Variants in PEAK1 observed in about 807,000 individuals in gnomAD.
PEAK1 encodes pseudopodium enriched atypical kinase 1.
In PEAK1, 54 loss-of-function variants were observed where a neutral mutation model predicts 124.7. The ratio of observed to expected loss-of-function variants is 0.43; its 90% confidence interval spans 0.35 to 0.54. The LOEUF (loss-of-function observed/expected upper bound fraction) is 0.54. PEAK1 is among the 20% of genes least tolerant of loss of function. The pLI, the probability that PEAK1 is intolerant of heterozygous loss-of-function variation, is 0.01. For synonymous variants in PEAK1, 719 were observed against 760.0 expected (o/e 0.95, Z 0.89); for missense variants, 2,046 against 2,134.5 (o/e 0.96, Z 0.82).
chr15:77,302,993 A>T (rs2063871646), intron 2 of PEAK1, among the ~76,000 whole-genome samples: 2 of 152,098 alleles, frequency 1.3e-5, no homozygotes, highest in Non-Finnish European at 2.9e-5. Context: ...TTTTGCCTTT[A>T]CCAGAATGTC....
intron 5 of PEAK1, among the ~76,000 whole-genome samples, chr15:77,257,689 CTG>C (rs1472578844): frequency 6.6e-6 from 1 of 151,766 alleles, no homozygotes; most frequent in African/African-American, 2.4e-5. Flanking sequence ...CCTGTTCACT[CTG>C]ATGGTAGTTT....
chr15:77,349,931 G>T (rs2141426895), intron 2 of PEAK1: 1 of 984,646 alleles, frequency 1.0e-6, no homozygotes, highest in Non-Finnish European at 1.2e-6. Flanking sequence ...GTGTCACGAA[G>T]AAAATATACA....
At chr15:77,416,839 T>A (rs2072921594) in intron 1 of PEAK1, among the ~76,000 whole-genome samples, 1 of 152,246 alleles carries the variant, frequency 6.6e-6, no homozygotes, top group Non-Finnish European at 1.5e-5. Context: ...TTACTTTTTA[T>A]ACTGAATGCA....
At chr15:77,169,073 C>T (rs1472431264) in intron 7 of PEAK1, among the ~76,000 whole-genome samples, 1 of 152,150 alleles carries the variant, frequency 6.6e-6, no homozygotes, top group African/African-American at 2.4e-5. Flanking sequence ...TAGAAAAAAA[C>T]TGTTTGAATT....
At chr15:77,274,749 G>C (rs1029626208) in intron 5 of PEAK1, among the ~76,000 whole-genome samples, 1 of 152,098 alleles carries the variant, frequency 6.6e-6, no homozygotes, top group African/African-American at 2.4e-5. Flanking sequence ...ATGGAAAACA[G>C]TATGGAGATT....
chr15:77,181,177 C>G lies in PEAK1; in HGVS notation c.750G>C (p.Glu250Asp), dbSNP rs773882577. Residue 250 changes from glutamate (E) to aspartate (D), a missense_variant, in exon 7 of 10, where the codon GAG (glutamate) becomes GAC (aspartate). Coordinates refer to ENST00000682557, the MANE Select transcript of PEAK1 (RefSeq NM_001385026.1). ...VLFSNMEEEH[E>D]SWDESDEELL... ...GCTCTTCATCACTCTCATCCCAACT[C>G]TCGTGCTCCTCCTCCATGTTACTGA... The G allele has an allele frequency of 1.2e-6, 2 of 1,614,170 alleles. No individual in the cohort carries two copies. Among genetic ancestry groups the G allele is most frequent in the Admixed American group, 3.3e-5 (2 of 60,032 alleles).
At chr15:77,311,861 T>A (rs2064487748) in intron 2 of PEAK1, among the ~76,000 whole-genome samples, 1 of 151,628 alleles carries the variant, frequency 6.6e-6, no homozygotes, top group Admixed American at 6.6e-5. Context: ...AGAGAAAAAA[T>A]TTGAACTTTA....
At chr15:77,288,773 AC>A in intron 2 of PEAK1, among the ~76,000 whole-genome samples, 1 of 152,100 alleles carries the variant, frequency 6.6e-6, no homozygotes, top group Non-Finnish European at 1.5e-5. Flanking sequence ...TACTAAAAAG[AC>A]AAAAATTAGC....
At chr15:77,420,105 A>T (rs1415814105), upstream of PEAK1, 1 of 150,258 alleles carries the variant, frequency 6.7e-6, no homozygotes, top group Non-Finnish European at 1.5e-5. Flanking sequence ...GACACTGACT[A>T]ACAACAACTA....
At chr15:77,405,203 A>T (rs1452414413) in intron 1 of PEAK1, among the ~76,000 whole-genome samples, 2 of 152,044 alleles carry the variant, frequency 1.3e-5, no homozygotes, top group African/African-American at 4.8e-5. Context: ...ATGGGGTTTC[A>T]TCATGTTGGC....
At chr15:77,238,189 T>A (rs1193848784) in intron 6 of PEAK1, among the ~76,000 whole-genome samples, 1 of 152,184 alleles carries the variant, frequency 6.6e-6, no homozygotes, top group African/African-American at 2.4e-5. Flanking sequence ...GTCAGTTTTA[T>A]AATTTGGGCA....
intron 8 of PEAK1, among the ~76,000 whole-genome samples, chr15:77,145,115 T>C (rs748133193): frequency 6.6e-6 from 1 of 152,240 alleles, no homozygotes; most frequent in African/African-American, 2.4e-5. Flanking sequence ...TCTCTTTTTC[T>C]GAGCTTCCAT....
At chr15:77,371,363 G>A in intron 1 of PEAK1, 1 of 922,280 alleles carries the variant, frequency 1.1e-6, no homozygotes, top group Non-Finnish European at 1.3e-6. Flanking sequence ...GTAGAGAGAA[G>A]ATAAGGAACA....
intron 9 of PEAK1, among the ~76,000 whole-genome samples, chr15:77,129,521 C>T (rs190909314): frequency 6.6e-6 from 1 of 151,678 alleles, no homozygotes; most frequent in East Asian, 1.9e-4. Context: ...CTGCAACCTC[C>T]GCCTCCTGGG....
At chr15:77,353,014 T>A (rs1421132951) in intron 2 of PEAK1, 1 of 985,298 alleles carries the variant, frequency 1.0e-6, no homozygotes, top group African/African-American at 1.7e-5. Flanking sequence ...CTGGCAAGCA[T>A]CTGTTGGCTA....
Position 77,326,888 on chromosome 15 carries a change from A to G in PEAK1, c.-603+38275T>C, listed in dbSNP as rs568023922. 1.5e-4 allele frequency among the ~76,000 whole-genome samples: 23 copies of G among 152,232 alleles called. 1 individual carries two copies. The South Asian group carries it at 1.9e-3, about 12-fold the overall frequency. On this transcript the variant is annotated intron_variant, in intron 2 of 9. Transcript: ENST00000682557. ...AAACCTATCTCATGTACCATATTTA[A>G]AATCTTCAGAAATTAAGTTTAGCAA... is the stretch of plus-strand genomic sequence containing the variant.
intron 1 of PEAK1, chr15:77,403,047 T>C (rs1476538622): frequency 1.0e-6 from 1 of 985,136 alleles, no homozygotes; most frequent in Admixed American, 6.1e-5. Flanking sequence ...TTGCATCCCA[T>C]TGCAGAAGAA....
chr15:77,244,923 G>T (rs1179176778), intron 6 of PEAK1, among the ~76,000 whole-genome samples: 2 of 152,130 alleles, frequency 1.3e-5, no homozygotes, highest in African/African-American at 2.4e-5. Flanking sequence ...TATGTGAATT[G>T]TAAGGTGCTG....
chr15:77,279,651 T>C (rs1205115114), intron 5 of PEAK1, among the ~76,000 whole-genome samples: 6 of 152,204 alleles, frequency 3.9e-5, no homozygotes, highest in Admixed American at 6.5e-5. Flanking sequence ...CACTCTAAAC[T>C]TTCCCTGTTC....
Sources: allele counts gnomAD v4.1 joint callset (sites outside exome capture counted in the v4.1 genomes callset), GRCh38; gene constraint gnomAD v4.1.1; transcripts MANE v1.5; gene names NCBI Gene and HGNC (gene_info 2026-07-23, HGNC 2026-07-21).